The following ADGRE3 variants were observed in gnomAD, a reference collection of about 807,000 sequenced individuals.
ADGRE3 encodes the protein EGF-like module receptor 3.
Under a neutral mutation model 80.1 loss-of-function variants are expected in ADGRE3, and 88 were observed. The observed-to-expected ratio is 1.10, with a 90% CI of 0.93 to 1.31. The LOEUF (loss-of-function observed/expected upper bound fraction) is 1.31. Ranked by LOEUF, ADGRE3 falls within the 40% of genes most tolerant of loss-of-function variation. The pLI, the probability that ADGRE3 is intolerant of heterozygous loss-of-function variation, is 0.00. For missense variants in ADGRE3, 715 were observed against 776.5 expected (o/e 0.92, Z 0.94); for synonymous variants, 281 against 294.8 (o/e 0.95, Z 0.48).
the ADGRE3 span, among the ~76,000 whole-genome samples, chr19:14,608,421 C>A: frequency 6.6e-6 from 1 of 152,238 alleles, no homozygotes; most frequent in South Asian, 2.1e-4. Flanking sequence ...TCCTTGCAGT[C>A]CAAGCTGATA....
At chr19:14,635,118 G>A (rs1049040006) in intron 11 of ADGRE3, among the ~76,000 whole-genome samples, 4 of 151,962 alleles carry the variant, frequency 2.6e-5, no homozygotes, top group Admixed American at 6.6e-5. Context: ...ATTTTTTAGA[G>A]TTGGATCTTG....
chr19:14,659,162 G>A, intron 4 of ADGRE3, among the ~76,000 whole-genome samples: 1 of 151,064 alleles, frequency 6.6e-6, no homozygotes, highest in East Asian at 1.9e-4. Context: ...AGTCCCCCAA[G>A]TAGCTGGGAC....
chr19:14,651,693 A>G (rs1971612075), intron 6 of ADGRE3, among the ~76,000 whole-genome samples: 1 of 152,160 alleles, frequency 6.6e-6, no homozygotes, highest in Non-Finnish European at 1.5e-5. Flanking sequence ...TTAGATGATA[A>G]TGGTGGAAAA....
chr19:14,664,895 T>C (rs552730665), intron 2 of ADGRE3, among the ~76,000 whole-genome samples: 1 of 152,192 alleles, frequency 6.6e-6, no homozygotes, highest in African/African-American at 2.4e-5. Flanking sequence ...CTACTGCTTA[T>C]TGTATACTTT....
chr19:14,641,580 C>T lies in ADGRE3; in HGVS notation c.1087G>A (p.Gly363Arg). 1 of 1,614,144 alleles carries T rather than the reference C, an allele frequency of 6.2e-7. No individual in the cohort carries two copies. Among genetic ancestry groups the T allele is most frequent in the Non-Finnish European group, 8.5e-7 (1 of 1,180,022 alleles). ...DPVLTVITYV[G>R]LSVSLLCLLL... ...AGGCACAGCAGAGAGACGCTCAGCC[C>T]CACGTAGGTGATGACAGTCAGCACG... is the stretch of plus-strand genomic sequence containing the variant. Residue 363 changes from glycine (G) to arginine (R), a missense_variant, in exon 10 of 16, where the codon GGG becomes AGG. By Grantham distance (125) the Gly-to-Arg change is moderately radical (BLOSUM62 -2). Coordinates refer to ENST00000253673, the MANE Select transcript of ADGRE3 (RefSeq NM_032571.5).
the ADGRE3 span, chr19:14,607,054 C>A: frequency 1.5e-6 from 2 of 1,354,534 alleles, no homozygotes; most frequent in Admixed American, 3.0e-5. Flanking sequence ...AATGACAGGG[C>A]CCAGGAAGGG....
intron 13 of ADGRE3, among the ~76,000 whole-genome samples, chr19:14,631,274 C>A (rs1018383219): frequency 1.3e-5 from 2 of 151,802 alleles, no homozygotes; most frequent in Admixed American, 6.6e-5. Flanking sequence ...GTGATGAGTA[C>A]CTTAAATACC....
At chr19:14,614,213 G>T (rs1426873627), downstream of ADGRE3, among the ~76,000 whole-genome samples, 1 of 152,172 alleles carries the variant, frequency 6.6e-6, no homozygotes, top group Non-Finnish European at 1.5e-5. Context: ...CCACCCAGGG[G>T]ACTGTTATGT....
the ADGRE3 span, chr19:14,607,244 G>T: frequency 3.3e-6 from 1 of 298,868 alleles, no homozygotes; most frequent in Non-Finnish European, 6.0e-6. Flanking sequence ...TTGCTCTGTC[G>T]CCCAGGCTGG....
intron 10 of ADGRE3, among the ~76,000 whole-genome samples, chr19:14,640,179 G>A (rs961000052): frequency 6.6e-6 from 1 of 152,110 alleles, no homozygotes; most frequent in African/African-American, 2.4e-5. Context: ...TTTTTCTGAA[G>A]GCTGAATAGT....
At chr19:14,625,622 T>C (rs1012387428) in intron 14 of ADGRE3, 23 bp from the exon 15 acceptor site, 1 of 1,506,486 alleles carries the variant, frequency 6.6e-7, no homozygotes, top group Non-Finnish European at 9.2e-7. Flanking sequence ...AGGAAATACC[T>C]GGATGGGTTT....
At chr19:14,633,776 CTTT>C (rs201616276) in intron 11 of ADGRE3, among the ~76,000 whole-genome samples, 3 of 109,524 alleles carry the variant, frequency 2.7e-5, no homozygotes, top group Admixed American at 1.0e-4. Context: ...ATGACAATAG[CTTT>C]TTTTTTTTTT....
intron 15 of ADGRE3, among the ~76,000 whole-genome samples, chr19:14,624,608 A>G (rs1970686387): frequency 6.6e-6 from 1 of 151,800 alleles, no homozygotes; most frequent in African/African-American, 2.4e-5. Flanking sequence ...AAAAAAAATT[A>G]GTAGGGCATG....
chr19:14,640,013 C>A (rs1307192469), intron 10 of ADGRE3, among the ~76,000 whole-genome samples: 1 of 152,162 alleles, frequency 6.6e-6, no homozygotes, highest in Non-Finnish European at 1.5e-5. Context: ...TCTCTGCTAA[C>A]AACCATTCCC....
At chr19:14,653,247 G>A (rs1971657243) in intron 6 of ADGRE3, among the ~76,000 whole-genome samples, 2 of 151,978 alleles carry the variant, frequency 1.3e-5, no homozygotes, top group African/African-American at 4.8e-5. Context: ...AAAAGTGCTA[G>A]GATTACAGGA....
At chr19:14,618,635 T>C (rs2075096937), downstream of ADGRE3, among the ~76,000 whole-genome samples, 2 of 148,626 alleles carry the variant, frequency 1.3e-5, no homozygotes, top group Non-Finnish European at 3.0e-5. Flanking sequence ...GTCAGGTGGA[T>C]CACCTGAGGC....
chr19:14,655,276 C>T lies in ADGRE3; in HGVS notation c.394-111G>A, dbSNP rs78249501. The T allele has an allele frequency of 1.5e-3, 1,331 of 891,970 alleles. 21 individuals carry two copies. In the African/African-American group the frequency reaches 0.02, roughly 13 times the overall value. The allele number at this position is 891,970 out of a possible 1,614,324, so 55.3% of individuals were successfully genotyped here. A position where few individuals can be genotyped will look rare whatever the true frequency, so the allele number is the denominator to read the frequency against. On this transcript the variant is annotated intron_variant, in intron 5 of 15. Coordinates refer to ENST00000253673, the MANE Select transcript of ADGRE3 (RefSeq NM_032571.5). ...GCAGGCTCTGGAGCTGGAGGAACCA[C>T]GTTCAAATCCTGGCACTTCATCATG...
At position 14,619,320 on chromosome 19, in the gene ADGRE3, T is replaced by C; in HGVS notation, c.*113A>G. On this transcript the variant is annotated 3_prime_UTR_variant, in exon 16 of 16. Transcript: ENST00000253673. ...AGCTTGGGAAGTAAAGGTTGATTAC[T>C]TCCTCTCCAAGGATGATATGTTTAA... 1 of 827,600 alleles carries C rather than the reference T, an allele frequency of 1.2e-6. No homozygotes were observed. The highest frequency in any genetic ancestry group is 2.4e-5 in the East Asian group (1 of 41,132). 51.3% of individuals were successfully genotyped at this position (827,600 alleles called of 1,614,324 possible). A position where few individuals can be genotyped will look rare whatever the true frequency, so the allele number is the denominator to read the frequency against.
chr19:14,641,009 A>G (rs559235973), intron 10 of ADGRE3, among the ~76,000 whole-genome samples: 1 of 152,272 alleles, frequency 6.6e-6, no homozygotes, highest in East Asian at 1.9e-4. Flanking sequence ...GGAGTAATAC[A>G]ACCAATGATA....
Sources: allele counts gnomAD v4.1 joint callset (sites outside exome capture counted in the v4.1 genomes callset), GRCh38; gene constraint gnomAD v4.1.1; transcripts MANE v1.5; gene names NCBI Gene and HGNC (gene_info 2026-07-23, HGNC 2026-07-21).